Variants in SH3RF2 observed in about 807,000 individuals in gnomAD.
The protein encoded by SH3RF2 is SH3 domain containing ring finger 2.
Under a neutral mutation model 59.0 loss-of-function variants are expected in SH3RF2, and 43 were observed. That is an observed-to-expected ratio of 0.73 (90% CI 0.57 to 0.94). SH3RF2 has a LOEUF of 0.94. Ranked by LOEUF, SH3RF2 falls within the 40% of genes least tolerant of loss-of-function variation. The pLI is 0.00. For synonymous variants in SH3RF2, 391 were observed against 391.5 expected, an observed-to-expected ratio of 1.00 and a Z score of 0.01; for missense variants, 930 against 940.1, an observed-to-expected ratio of 0.99 and a Z score of 0.14.
chr5:145,962,681 C>T (rs759268828), intron 2 of SH3RF2, among the ~76,000 whole-genome samples: 10 of 152,004 alleles, frequency 6.6e-5, no homozygotes, highest in Non-Finnish European at 1.0e-4. Flanking sequence ...TTTCCCACCC[C>T]TCCACCAGAT....
chr5:146,007,720 C>T (rs780960121), intron 4 of SH3RF2, among the ~76,000 whole-genome samples: 3 of 152,132 alleles, frequency 2.0e-5, no homozygotes, highest in African/African-American at 4.8e-5. Context: ...CTAAAATTAG[C>T]GAGTACAAGA....
chr5:145,973,568 A>G (rs1759168982), intron 2 of SH3RF2, among the ~76,000 whole-genome samples: 1 of 152,244 alleles, frequency 6.6e-6, no homozygotes, highest in South Asian at 2.1e-4. Flanking sequence ...TGGCCCATAT[A>G]GGAAGAAAGA....
At chr5:146,043,352 A>G (rs6889715) in intron 5 of SH3RF2, among the ~76,000 whole-genome samples, 52,152 of 152,060 alleles carry the variant, frequency 0.34, 9,310 homozygotes, top group Non-Finnish European at 0.39. Context: ...GCTGCCCTCT[A>G]TGAAGCTGAG....
intron 4 of SH3RF2, among the ~76,000 whole-genome samples, chr5:146,008,088 C>T (rs887206178): frequency 2.0e-5 from 3 of 152,098 alleles, no homozygotes; most frequent in East Asian, 3.8e-4. Flanking sequence ...GAATTGCACC[C>T]GCATTAAAAG....
At chr5:145,937,283 A>G (rs1364775576) in intron 1 of SH3RF2, 4 of 152,220 alleles carry the variant, frequency 2.6e-5, no homozygotes, top group Non-Finnish European at 5.9e-5. Context: ...TTTCTTGTAC[A>G]TTGCTAGAAT....
At chr5:145,974,933 T>C (rs1378960877) in intron 2 of SH3RF2, among the ~76,000 whole-genome samples, 1 of 152,118 alleles carries the variant, frequency 6.6e-6, no homozygotes, top group Non-Finnish European at 1.5e-5. Flanking sequence ...ACCACCCAAT[T>C]AAAAAAATAG....
chr5:145,980,928 C>T (rs1016178341), intron 2 of SH3RF2, among the ~76,000 whole-genome samples: 4 of 152,164 alleles, frequency 2.6e-5, no homozygotes, highest in African/African-American at 9.7e-5. Flanking sequence ...CTGGATGAAA[C>T]TGAGGCAAAG....
In SH3RF2 at chr5:146,056,186, C is replaced by T. The variant is rs762038755; in HGVS notation, c.1528C>T (p.Arg510Trp). Residue 510 changes from arginine to tryptophan, a missense_variant, in exon 8 of 10, where the codon CGG becomes TGG. Physicochemically the swap from Arg to Trp is moderately radical, Grantham distance 101 (BLOSUM62 -3). Coordinates refer to ENST00000359120, the MANE Select transcript of SH3RF2 (RefSeq NM_152550.4). ...GPGTLGQGSL[R>W]KGRSSMRKNG... The stretch of plus-strand genomic sequence containing the variant: ...TGGGACTTTAGGACAAGGGTCTCTT[C>T]GGAAAGGGCGGAGCAGCATGAGAAA... The T allele has an allele frequency of 6.2e-6, 10 of 1,614,002 alleles. No homozygotes were observed. The highest frequency in any genetic ancestry group is 5.3e-5 in the African/African-American group (4 of 74,904).
chr5:146,008,551 CA>C (rs1760741350), intron 4 of SH3RF2, among the ~76,000 whole-genome samples: 1 of 152,164 alleles, frequency 6.6e-6, no homozygotes, highest in Admixed American at 6.5e-5. Flanking sequence ...CTTGCCTAAA[CA>C]ATTTCAATAA....
intron 2 of SH3RF2, among the ~76,000 whole-genome samples, chr5:145,975,804 G>A (rs1341308994): frequency 1.3e-5 from 2 of 152,226 alleles, no homozygotes; most frequent in Non-Finnish European, 1.5e-5. Context: ...GAGCTGTAGG[G>A]CTGCAGACAA....
chr5:146,023,135 A>G (rs1367738221), intron 5 of SH3RF2, among the ~76,000 whole-genome samples: 1 of 151,712 alleles, frequency 6.6e-6, no homozygotes, highest in East Asian at 1.9e-4. Flanking sequence ...GAATTTTCCA[A>G]ATTCTGGATA....
chr5:146,043,356 A>G (rs1463948228), intron 5 of SH3RF2, among the ~76,000 whole-genome samples: 1 of 152,180 alleles, frequency 6.6e-6, no homozygotes, highest in Non-Finnish European at 1.5e-5. Context: ...CCCTCTATGA[A>G]GCTGAGCGAT....
At chr5:145,938,644 A>G (rs552865160) in intron 2 of SH3RF2, among the ~76,000 whole-genome samples, 25 of 152,176 alleles carry the variant, frequency 1.6e-4, no homozygotes, top group African/African-American at 6.0e-4. Flanking sequence ...AAATGCACGG[A>G]GGGTGGGGAG....
At chr5:145,971,557 GT>G (rs1759080645) in intron 2 of SH3RF2, among the ~76,000 whole-genome samples, 1 of 152,202 alleles carries the variant, frequency 6.6e-6, no homozygotes, top group African/African-American at 2.4e-5. Context: ...CAAATACAGT[GT>G]TTATTCCTCA....
intron 4 of SH3RF2, 67 bp from the exon 5 acceptor site, chr5:146,013,680 G>T (rs1000100329): frequency 5.7e-6 from 9 of 1,575,132 alleles, no homozygotes; most frequent in Non-Finnish European, 6.9e-6. Flanking sequence ...GATGTACATG[G>T]GTAGGAACTG....
chr5:146,047,797 T>C lies in SH3RF2; in HGVS notation c.1085T>C (p.Val362Ala), dbSNP rs1762360373. 1.2e-6 allele frequency: 2 copies of C among 1,613,982 alleles called. No homozygotes were observed. Among genetic ancestry groups the C allele is most frequent in the African/African-American group, 2.7e-5 (2 of 74,902 alleles). Reference protein sequence around the residue: ...GQVSTYHPAPVSPGHSTAVVS... With the variant: ...GQVSTYHPAPASPGHSTAVVS... The stretch of plus-strand genomic sequence containing the variant: ...GTCAGCACTTATCACCCCGCACCTG[T>C]CTCTCCAGGACATTCCACAGCCGTG... The change falls in exon 6 of 10, where the codon GTC becomes GCC. Residue 362 changes from valine to alanine, a missense_variant. Physicochemically the swap from Val to Ala is moderately conservative, Grantham distance 64 (BLOSUM62 0). Coordinates refer to ENST00000359120, the MANE Select transcript of SH3RF2 (RefSeq NM_152550.4).
intron 2 of SH3RF2, among the ~76,000 whole-genome samples, chr5:145,959,209 C>A (rs1225980286): frequency 3.3e-5 from 5 of 152,132 alleles, no homozygotes; most frequent in Non-Finnish European, 5.9e-5. Context: ...CCAATCCCAT[C>A]AATTATTTTG....
chr5:146,040,142 A>G (rs1762072795), intron 5 of SH3RF2, among the ~76,000 whole-genome samples: 1 of 152,146 alleles, frequency 6.6e-6, no homozygotes, highest in Non-Finnish European at 1.5e-5. Flanking sequence ...CTTGGGAGAG[A>G]GACTTGATTA....
intron 5 of SH3RF2, among the ~76,000 whole-genome samples, chr5:146,018,249 C>T (rs1761180246): frequency 6.6e-6 from 1 of 152,118 alleles, no homozygotes; most frequent in African/African-American, 2.4e-5. Flanking sequence ...TAACCACCCT[C>T]ACCCTCCCTC....
Sources: gnomAD v4.1 joint callset for allele counts (sites outside exome capture counted in the v4.1 genomes callset) on GRCh38, gnomAD v4.1.1 for gene constraint, MANE v1.5 for transcripts, NCBI Gene and HGNC (gene_info 2026-07-23, HGNC 2026-07-21) for gene names.